Variants in MUC4 observed in about 807,000 individuals in gnomAD.
The protein encoded by MUC4 is mucin 4, cell surface associated.
In MUC4, 202 loss-of-function variants were observed where a neutral mutation model predicts 257.9. The observed-to-expected ratio is 0.78, with a 90% CI of 0.70 to 0.88. The LOEUF (loss-of-function observed/expected upper bound fraction) is 0.88, where lower values mean the gene tolerates loss of function less well. Among genes scored for constraint, MUC4 ranks in the 40% least tolerant of loss-of-function variants. The probability of loss-of-function intolerance (pLI) is 0.00; values close to 1 mark genes in which losing one functional copy is unlikely to be tolerated. For synonymous variants in MUC4, 2,351 were observed against 2,757.1 expected (o/e 0.85, Z 4.62); for missense variants, 5,976 against 6,513.7 (o/e 0.92, Z 2.84).
rs954595490 is a variant in MUC4 at position 195,810,540 on chromosome 3, C to A, written c.82+1196G>T. ...ATCCCTCCCCTCCCAGCTCTGTACA[C>A]GGAGGAGCCCAAGGCCAATGCCGGG... On this transcript the variant is annotated intron_variant, in intron 1 of 24. Coordinates refer to ENST00000463781, the MANE Select transcript of MUC4 (RefSeq NM_018406.7). This position sits in a 1 kb window ranked among gnomAD's most constrained non-coding sequence, Gnocchi z 4.2. Among the ~76,000 whole-genome samples, 1 of 152,210 alleles carries A rather than the reference C, an allele frequency of 6.6e-6. No homozygotes were observed. Among genetic ancestry groups the A allele is most frequent in the African/African-American group, 2.4e-5 (1 of 41,448 alleles).
In MUC4 at chr3:195,783,886, T is replaced by A. The variant is rs548141268; in HGVS notation, c.7694A>T (p.Asp2565Val). 6.4e-5 allele frequency: 95 copies of A among 1,489,534 alleles called. No homozygotes were observed. The highest frequency in any genetic ancestry group is 7.2e-6 in the Non-Finnish European group (8 of 1,116,468). 92.3% of individuals were successfully genotyped at this position (1,489,534 alleles called of 1,614,324 possible). Residue 2565 changes from aspartate (D) to valine (V), a missense_variant, in exon 2 of 25, where the codon GAC becomes GTC. This residue lies in a region of MUC4 where 135 missense variants were observed against 114.7 expected (regional missense o/e 1.18). Transcript: ENST00000463781. ...GTGACCTGTGGATGCTGCGGAAGTGTCGGTGACAGGAAGAGAGGTGGCGTG... is the reference window on the plus strand; with the variant it reads ...GTGACCTGTGGATGCTGCGGAAGTGACGGTGACAGGAAGAGAGGTGGCGTG... The part of the protein sequence containing the change: ...TGHATSLPVT[D>V]TSAASTGHAT...
chr3:195,760,545 G>C (rs4413341), intron 16 of MUC4, among the ~76,000 whole-genome samples: 2,815 of 24,168 alleles, frequency 0.12, 193 homozygotes, highest in East Asian at 0.28. Flanking sequence ...GCTGGGAAGG[G>C]GTCCAGCGCT....
rs2148780411 is a variant in MUC4, at chr3:195,757,015, T to C, written c.15168+132A>G. The C allele has an allele frequency of 5.5e-6, 5 of 912,772 alleles. No individual in the cohort carries two copies. The highest frequency in any genetic ancestry group is 6.7e-6 in the Non-Finnish European group (4 of 599,258). 56.5% of individuals were successfully genotyped at this position (912,772 alleles called of 1,614,324 possible). A position where few individuals can be genotyped will look rare whatever the true frequency, so the allele number is the denominator to read the frequency against. ...TGTGGCCTGAGACTGGAATCTGCTC[T>C]ACTCACCTACCACTGCTCCACCCAT... On this transcript the variant is annotated intron_variant, in intron 18 of 24. Coordinates refer to ENST00000463781, the MANE Select transcript of MUC4 (RefSeq NM_018406.7). This position sits in a 1 kb window ranked among gnomAD's most constrained non-coding sequence, Gnocchi z 4.8.
rs767532945 is a variant in MUC4, at chr3:195,769,166, G to C, written c.13399-14C>G. 1 of 1,613,750 alleles carries C rather than the reference G, an allele frequency of 6.2e-7. No homozygotes were observed. Among genetic ancestry groups the C allele is most frequent in the South Asian group, 1.1e-5 (1 of 91,030 alleles). ...GTAGGTGTTGCTCTGGGGGTGGGTG[G>C]AAGAAAACACAGGGATGCCCGTGAG... On this transcript the variant is annotated splice_polypyrimidine_tract_variant and intron_variant, in intron 6 of 24. Coordinates refer to ENST00000463781, the MANE Select transcript of MUC4 (RefSeq NM_018406.7).
rs1482893402 is a variant in MUC4, at chr3:195,782,556, A to C, written c.9024T>G (p.Ser3008=). The change falls in exon 2 of 25, where the codon TCT becomes TCG. Residue 3008 remains serine (S), a synonymous_variant. Transcript: ENST00000463781. The part of the protein sequence containing the change: ...TSSASIGHAT[S]LPVTDTSSIS... ...TTGAGGAAGTGTCGGTGACAGGAAG[A>C]GAGGTGGCGTGACCTATGGATGCTG... The C allele has an allele frequency of 3.9e-5, 36 of 912,636 alleles. 1 individual carries two copies. The African/African-American group carries it at 4.9e-4, about 12-fold the overall frequency. 56.5% of individuals were successfully genotyped at this position (912,636 alleles called of 1,614,324 possible).
Position 195,767,468 on chromosome 3 carries a change from CCACCAT to C in MUC4, c.13530-723_13530-718del, listed in dbSNP as rs1398853127. ...ACCACCACCACCACCAACACTACCACCACCATCACCATCACCACCACCATCACCATC... is the reference window on the plus strand; with the variant it reads ...ACCACCACCACCACCAACACTACCACCACCATCACCACCACCATCACCATC... On this transcript the variant is annotated intron_variant, in intron 7 of 24. Transcript: ENST00000463781. 3.6e-5 allele frequency among the ~76,000 whole-genome samples: 5 copies of C among 140,300 alleles called. No individual in the cohort carries two copies. In the East Asian group the frequency reaches 6.2e-4, roughly 18 times the overall value. 92.0% of individuals were successfully genotyped at this position (140,300 alleles called of 152,430 possible).
At chr3:195,803,330 C>T (rs924825697) in intron 1 of MUC4, among the ~76,000 whole-genome samples, 2 of 152,222 alleles carry the variant, frequency 1.3e-5, no homozygotes, top group Non-Finnish European at 2.9e-5. Flanking sequence ...AAAATTAAAG[C>T]AGCTACTTTA....
chr3:195,778,704 T>G lies in MUC4; in HGVS notation c.12790+86A>C, dbSNP rs1331139854. ...ACACGGCCCCACCAGGTAATGCGAA[T>G]GCACCAGTGTTCTCAGGTACTCCTT... is the stretch of plus-strand genomic sequence containing the variant. On this transcript the variant is annotated intron_variant, in intron 2 of 24. Transcript: ENST00000463781. 41 of 1,421,920 alleles carry G rather than the reference T, an allele frequency of 2.9e-5. No homozygotes were observed. In the East Asian group the frequency reaches 8.2e-4, roughly 28 times the overall value. 88.1% of individuals were successfully genotyped at this position (1,421,920 alleles called of 1,614,324 possible).
Position 195,782,531 on chromosome 3 carries a change from T to C in MUC4, c.9049A>G (p.Ile3017Val), listed in dbSNP as rs74772699. ...TSLPVTDTSS[I>V]STGHATPLHV... ...AGAGGGGTGGCGTGACCTGTGGATA[T>C]TGAGGAAGTGTCGGTGACAGGAAGA... is the stretch of plus-strand genomic sequence containing the variant. Residue 3017 changes from isoleucine (I) to valine (V), a missense_variant, in exon 2 of 25, where the codon ATA becomes GTA. Physicochemically the swap from Ile to Val is conservative, Grantham distance 29. Coordinates refer to ENST00000463781, the MANE Select transcript of MUC4 (RefSeq NM_018406.7). The C allele has an allele frequency of 8.4e-3, 8,387 of 1,003,862 alleles. 3,292 individuals carry two copies. Among genetic ancestry groups the C allele is most frequent in the Middle Eastern group, 0.043 (100 of 2,324 alleles). The allele number at this position is 1,003,862 out of a possible 1,614,324, so 62.2% of individuals were successfully genotyped here.
intron 7 of MUC4, among the ~76,000 whole-genome samples, chr3:195,767,886 T>TCACCATCGCCACCAC (rs1560266223): frequency 1.3e-4 from 9 of 69,868 alleles, no homozygotes; most frequent in African/African-American, 7.6e-4. Context: ...ATCACCACCA[T>TCACCATCGCCACCAC]CACCACCACC....
chr3:195,811,378 C>T (rs1423180599), intron 1 of MUC4, among the ~76,000 whole-genome samples: 5 of 151,634 alleles, frequency 3.3e-5, no homozygotes, highest in Non-Finnish European at 7.4e-5. Flanking sequence ...TTCACCATGT[C>T]GGCCAGGCTG....
Position 195,757,657 on chromosome 3 carries a change from C to T in MUC4, c.14987-329G>A, listed in dbSNP as rs188709852. Among the ~76,000 whole-genome samples, 28 of 152,214 alleles carry T rather than the reference C, an allele frequency of 1.8e-4. No individual in the cohort carries two copies. The South Asian group carries it at 2.5e-3, about 14-fold the overall frequency. On this transcript the variant is annotated intron_variant, in intron 17 of 24. Coordinates refer to ENST00000463781, the MANE Select transcript of MUC4 (RefSeq NM_018406.7). This position sits in a 1 kb window ranked among gnomAD's most constrained non-coding sequence, Gnocchi z 4.8. ...ATCCTGGGGGATGGAGGATCAAGGC[C>T]AGGATCCTCCAGACACCTCCCCAGG...
At chr3:195,763,005 A>G in intron 12 of MUC4, 60 bp from the exon 13 acceptor site, 1 of 1,341,074 alleles carries the variant, frequency 7.5e-7, no homozygotes, top group African/African-American at 1.5e-5. Flanking sequence ...CGCCCAGGAA[A>G]GCAGCTGGGA....
At chr3:195,800,211 G>A (rs1735115725) in intron 1 of MUC4, among the ~76,000 whole-genome samples, 3 of 152,190 alleles carry the variant, frequency 2.0e-5, no homozygotes, top group African/African-American at 7.2e-5. Context: ...CTGGGAGGTG[G>A]AGGTTGCAGT....
intron 22 of MUC4, 46 bp downstream of exon 22, chr3:195,751,161 G>T (rs1387087679): frequency 1.0e-5 from 7 of 699,592 alleles, no homozygotes; most frequent in African/African-American, 1.9e-5. Flanking sequence ...GGGGGTGGGG[G>T]ATGAGGAAGA....
intron 1 of MUC4, among the ~76,000 whole-genome samples, chr3:195,806,980 G>A (rs1736065154): frequency 6.6e-6 from 1 of 152,154 alleles, no homozygotes; most frequent in South Asian, 2.1e-4. Flanking sequence ...GGGCGGGGCG[G>A]CATCTCTACA....
At position 195,782,929 on chromosome 3, in the gene MUC4, G is replaced by T. The variant is rs1338961658; in HGVS notation, c.8651C>A (p.Thr2884Asn). 1 of 1,507,660 alleles carries T rather than the reference G, an allele frequency of 6.6e-7. No individual in the cohort carries two copies. The highest frequency in any genetic ancestry group is 8.9e-7 in the Non-Finnish European group (1 of 1,123,630). 93.4% of individuals were successfully genotyped at this position (1,507,660 alleles called of 1,614,324 possible). Residue 2884 changes from threonine to asparagine, a missense_variant, in exon 2 of 25, where the codon ACC becomes AAC. Physicochemically the swap from Thr to Asn is moderately conservative, Grantham distance 65. Transcript: ENST00000463781. ...STGHATPLPV[T>N]DASSVSTGHA... ...ACCTGTGGACACTGAGGAAGCGTCG[G>T]TGACAGGAAGAGGGGTGGCATGACC...
chr3:195,781,619 C>A lies in MUC4; in HGVS notation c.9961G>T (p.Ala3321Ser), dbSNP rs200229624. The A allele has an allele frequency of 3.8e-3, 1,676 of 436,324 alleles. 11 individuals carry two copies. The highest frequency in any genetic ancestry group is 4.6e-3 in the Non-Finnish European group (1,455 of 319,468). The allele number at this position is 436,324 out of a possible 1,614,324, so 27.0% of individuals were successfully genotyped here. A position where few individuals can be genotyped will look rare whatever the true frequency, so the allele number is the denominator to read the frequency against. ...TPLLVTDASS[A>S]STGHATPLHV... ...AGAGGGGTGGCGTGACCTGTGGATGCTGAGGAAGCGTCGGTGACAAGAAGA... is the reference window on the plus strand; with the variant it reads ...AGAGGGGTGGCGTGACCTGTGGATGATGAGGAAGCGTCGGTGACAAGAAGA... The change falls in exon 2 of 25, where the codon GCA becomes TCA. Residue 3321 changes from alanine (A) to serine (S), a missense_variant. This residue lies in a region of MUC4 where 72 missense variants were observed against 33.5 expected (regional missense o/e 2.15). Coordinates refer to ENST00000463781, the MANE Select transcript of MUC4 (RefSeq NM_018406.7).
In MUC4 at chr3:195,751,240, C is replaced by CCCAGTCT; in HGVS notation, c.15613_15614insAGACTGG (p.Arg5205GlnfsTer44). ...CACTTGGCTGTTGCGGAGAAAGGCC[C>CCCAGTCT]GCATGTCCAGGGTCCCCAGTCTGTA... is the stretch of plus-strand genomic sequence containing the variant. On this transcript the variant is annotated frameshift_variant, in exon 22 of 25. Transcript: ENST00000463781. LOFTEE classifies it high-confidence loss of function. 1 of 1,607,502 alleles carries CCCAGTCT rather than the reference C, an allele frequency of 6.2e-7. No individual in the cohort carries two copies. The highest frequency in any genetic ancestry group is 8.5e-7 in the Non-Finnish European group (1 of 1,177,484).
Sources: gnomAD v4.1 joint callset for allele counts (sites outside exome capture counted in the v4.1 genomes callset) on GRCh38, gnomAD v4.1.1 for gene constraint, gnomAD v4.1.1 regional missense constraint, Gnocchi (gnomAD v3.1) non-coding constraint, MANE v1.5 for transcripts, NCBI Gene and HGNC (gene_info 2026-07-23, HGNC 2026-07-21) for gene names.